Variants in KDM3B observed in about 807,000 individuals in gnomAD.
KDM3B encodes the protein lysine demethylase 3B.
KDM3B carries 10 observed loss-of-function variants against 170.0 expected under a neutral mutation model. The ratio of observed to expected loss-of-function variants is 0.06; its 90% CI spans 0.04 to 0.10. The LOEUF is 0.10. Among genes scored for constraint, KDM3B ranks in the 10% least tolerant of loss-of-function variants. KDM3B has a pLI of 1.00. For synonymous variants in KDM3B, 831 were observed against 834.8 expected (o/e 1.00, Z 0.08); for missense variants, 1,394 against 2,195.2 (o/e 0.64, Z 7.29).
chr5:138,433,763 G>C (rs999439079), intron 23 of KDM3B, among the ~76,000 whole-genome samples: 37 of 151,732 alleles, frequency 2.4e-4, no homozygotes, highest in African/African-American at 4.8e-5. Context: ...TATTGAGATG[G>C]AGTCCCGCTC....
chr5:138,390,643 A>T, intron 7 of KDM3B, among the ~76,000 whole-genome samples: 1 of 152,192 alleles, frequency 6.6e-6, no homozygotes, highest in East Asian at 1.9e-4. Flanking sequence ...GTAAAAGCTG[A>T]TGTCTATTCA....
chr5:138,369,778 T>A (rs1479282999), intron 1 of KDM3B, among the ~76,000 whole-genome samples: 2 of 152,206 alleles, frequency 1.3e-5, no homozygotes, highest in Non-Finnish European at 2.9e-5. Context: ...GTTTATCCTG[T>A]GACATACTAT....
chr5:138,388,814 A>AAAATAAAT (rs1234486917), intron 7 of KDM3B, among the ~76,000 whole-genome samples: 1 of 152,206 alleles, frequency 6.6e-6, no homozygotes, highest in Non-Finnish European at 1.5e-5. Context: ...TCCGTCTCAA[A>AAAATAAAT]AAATAAATAA....
intron 1 of KDM3B, among the ~76,000 whole-genome samples, chr5:138,370,574 T>C (rs559901916): frequency 6.6e-6 from 1 of 152,324 alleles, no homozygotes; most frequent in East Asian, 1.9e-4. Context: ...CATAAAATTT[T>C]ATTAAGTTTT....
rs13356433 is a variant in KDM3B, at chr5:138,389,139, G to A, written c.1381-1874G>A. On this transcript the variant is annotated intron_variant, in intron 7 of 23. Coordinates refer to ENST00000314358, the MANE Select transcript of KDM3B (RefSeq NM_016604.4). ...CCTGTGAAGCAACAGCAGCACCTCA[G>A]GGCTGTGTCTGTTCTTTTTCTCTAT... Among the ~76,000 whole-genome samples the A allele has an allele frequency of 8.5e-3, 1,294 of 152,308 alleles. 18 individuals carry two copies. Among genetic ancestry groups the A allele is most frequent in the African/African-American group, 0.029 (1,208 of 41,570 alleles).
At position 138,405,881 on chromosome 5, in the gene KDM3B, G is replaced by A. The variant is rs534202078; in HGVS notation, c.3199+5869G>A. ...AAGGATCTTACACTTTATGTAAAGT[G>A]AGATTAATATTTGAAGATAGACTTT... On this transcript the variant is annotated intron_variant, in intron 11 of 23. Coordinates refer to ENST00000314358, the MANE Select transcript of KDM3B (RefSeq NM_016604.4). Among the ~76,000 whole-genome samples, 12 of 152,312 alleles carry A rather than the reference G, an allele frequency of 7.9e-5. No individual in the cohort carries two copies. The South Asian group carries it at 2.3e-3, about 29-fold the overall frequency.
Position 138,391,729 on chromosome 5 carries a change from C to G in KDM3B, c.2097C>G (p.Ser699=). The G allele has an allele frequency of 6.2e-7, 1 of 1,614,092 alleles. No individual in the cohort carries two copies. Among genetic ancestry groups the G allele is most frequent in the Non-Finnish European group, 8.5e-7 (1 of 1,180,042 alleles). ...CCCTCTTCATTACAACTGACTCCTCCAAGCTAGTATCTGGTGTTCTGGGCT... is the reference window on the plus strand; with the variant it reads ...CCCTCTTCATTACAACTGACTCCTCGAAGCTAGTATCTGGTGTTCTGGGCT... ...KKPLFITTDS[S]KLVSGVLGSA... The change falls in exon 8 of 24, where the codon TCC becomes TCG. Residue 699 remains serine (S), a synonymous_variant. Transcript: ENST00000314358. This position sits in a 1 kb window ranked among gnomAD's most constrained non-coding sequence, Gnocchi z 5.0.
At chr5:138,427,822 A>G in intron 19 of KDM3B, 145 bp from the exon 20 acceptor site, 1 of 756,020 alleles carries the variant, frequency 1.3e-6, no homozygotes, top group South Asian at 1.8e-5. Flanking sequence ...AAGAGATGAA[A>G]GTGATTTCTT....
At chr5:138,425,328 A>G in intron 16 of KDM3B, 83 bp from the exon 17 acceptor site, 2 of 1,326,852 alleles carry the variant, frequency 1.5e-6, no homozygotes, top group Non-Finnish European at 2.1e-6. Context: ...GGCCCTCCTC[A>G]GGAAACCCTC....
chr5:138,419,732 C>CACACACATATATATACACACACAT (rs1763220429), intron 14 of KDM3B, among the ~76,000 whole-genome samples: 1 of 49,566 alleles, frequency 2.0e-5, no homozygotes, highest in South Asian at 4.9e-4. Context: ...CACACATACA[C>CACACACATATATATACACACACAT]ACACACACAC....
chr5:138,383,755 C>G (rs540761111), intron 6 of KDM3B, among the ~76,000 whole-genome samples: 1 of 152,096 alleles, frequency 6.6e-6, no homozygotes, highest in Admixed American at 6.5e-5. Flanking sequence ...TTGAGAACAG[C>G]CTGGCCAACA....
chr5:138,384,612 G>A (rs1408599155), intron 6 of KDM3B, among the ~76,000 whole-genome samples: 3 of 151,558 alleles, frequency 2.0e-5, no homozygotes, highest in Non-Finnish European at 4.4e-5. Context: ...GGTGGCAGGC[G>A]CCTGTAGTCC....
chr5:138,358,171 T>C (rs901490749), intron 1 of KDM3B, among the ~76,000 whole-genome samples: 3 of 151,634 alleles, frequency 2.0e-5, no homozygotes, highest in Admixed American at 1.3e-4. Context: ...TTAGTAGAGA[T>C]GGGGTTTCAC....
chr5:138,384,245 TAAAAA>T (rs759332474), intron 6 of KDM3B, among the ~76,000 whole-genome samples: 2 of 132,468 alleles, frequency 1.5e-5, no homozygotes, highest in Non-Finnish European at 3.3e-5. Flanking sequence ...GACTCCGACT[TAAAAA>T]AAAAAAAAAA....
intron 10 of KDM3B, 46 bp downstream of exon 10, chr5:138,398,438 CTT>C (rs763898366): frequency 2.8e-5 from 43 of 1,530,022 alleles, no homozygotes; most frequent in Non-Finnish European, 3.6e-5. Context: ...TAGTGAAAAA[CTT>C]TTATTTTCTT....
intron 2 of KDM3B, among the ~76,000 whole-genome samples, chr5:138,374,518 A>G (rs1323931179): frequency 1.3e-5 from 2 of 152,100 alleles, no homozygotes; most frequent in East Asian, 3.9e-4. Flanking sequence ...TCGGCCTCCC[A>G]AAGTGCTGGG....
chr5:138,398,958 G>A (rs760343105), intron 10 of KDM3B, among the ~76,000 whole-genome samples: 6 of 140,438 alleles, frequency 4.3e-5, no homozygotes, highest in African/African-American at 1.6e-4. Flanking sequence ...GCACAATCTC[G>A]GCTCACTGCA....
At chr5:138,400,518 G>A (rs1422323997) in intron 11 of KDM3B, among the ~76,000 whole-genome samples, 1 of 152,088 alleles carries the variant, frequency 6.6e-6, no homozygotes, top group Non-Finnish European at 1.5e-5. Flanking sequence ...GAGGAAGATA[G>A]GAGGATCACT....
In KDM3B at chr5:138,425,615, C is replaced by A; in HGVS notation, c.4411+33C>A. ...GCTTTCATATCTAGTTCAGTGATAGCAGACTGGAAAATAAGCATCTATACG... is the reference window on the plus strand; with the variant it reads ...GCTTTCATATCTAGTTCAGTGATAGAAGACTGGAAAATAAGCATCTATACG... On this transcript the variant is annotated intron_variant, in intron 17 of 23. Coordinates refer to ENST00000314358, the MANE Select transcript of KDM3B (RefSeq NM_016604.4). 1.9e-6 allele frequency: 3 copies of A among 1,584,444 alleles called. No individual in the cohort carries two copies. In the South Asian group the frequency reaches 3.4e-5, roughly 18 times the overall value.
Sources: gnomAD v4.1 joint callset for allele counts (sites outside exome capture counted in the v4.1 genomes callset) on GRCh38, gnomAD v4.1.1 for gene constraint, Gnocchi (gnomAD v3.1) non-coding constraint, MANE v1.5 for transcripts, NCBI Gene and HGNC (gene_info 2026-07-23, HGNC 2026-07-21) for gene names.